Variants in CTNNA2 observed in about 807,000 individuals in gnomAD.
The protein encoded by CTNNA2 is catenin alpha-2.
A neutral mutation model predicts 101.0 loss-of-function variants in CTNNA2; 42 were observed. That is an observed-to-expected ratio of 0.42 (90% CI 0.32 to 0.54). The LOEUF (loss-of-function observed/expected upper bound fraction) is 0.54. Among genes scored for constraint, CTNNA2 ranks in the 20% least tolerant of loss-of-function variants. The pLI is 0.14. For synonymous variants in CTNNA2, 450 were observed against 456.4 expected, an observed-to-expected ratio of 0.99 and a Z score of 0.18; for missense variants, 871 against 1,223.1, an observed-to-expected ratio of 0.71 and a Z score of 4.29.
intron 8 of CTNNA2, among the ~76,000 whole-genome samples, chr2:80,416,892 C>G (rs923674965): frequency 6.6e-6 from 1 of 151,992 alleles, no homozygotes; most frequent in South Asian, 2.1e-4. Flanking sequence ...TTTACATTCT[C>G]TTTCCTTGAG....
chr2:79,635,407 G>A (rs1679960465), intron 1 of CTNNA2, among the ~76,000 whole-genome samples: 3 of 151,944 alleles, frequency 2.0e-5, no homozygotes, highest in Admixed American at 1.3e-4. Flanking sequence ...ACTCCAGCCT[G>A]GGTGGCAGAG....
intron 1 of CTNNA2, among the ~76,000 whole-genome samples, chr2:79,644,107 G>A (rs1303687819): frequency 3.9e-5 from 6 of 151,936 alleles, no homozygotes; most frequent in Non-Finnish European, 5.9e-5. Context: ...GCATAATCTC[G>A]GCTCACTGCA....
intron 7 of CTNNA2, among the ~76,000 whole-genome samples, chr2:80,026,306 G>C (rs986146806): frequency 6.6e-6 from 1 of 152,190 alleles, no homozygotes; most frequent in African/African-American, 2.4e-5. Flanking sequence ...AGTTGCAAGT[G>C]ATTGAAATGA....
In CTNNA2 at chr2:79,436,769, C is replaced by T. The variant is rs185980198; in HGVS notation, c.-135+62756C>T. 3.3e-3 allele frequency among the ~76,000 whole-genome samples: 500 copies of T among 152,076 alleles called. 7 individuals carry two copies. Among genetic ancestry groups the T allele is most frequent in the African/African-American group, 0.011 (468 of 41,522 alleles). On this transcript the variant is annotated intron_variant, in intron 4 of 21. Transcript: ENST00000466387. The stretch of plus-strand genomic sequence containing the variant: ...GCCTCAGCCTCCCGAGTATCTGGGA[C>T]TACAGGCACCCGCCACCAGGCCTGG...
chr2:80,292,597 T>C (rs1675363206), intron 7 of CTNNA2, among the ~76,000 whole-genome samples: 1 of 152,230 alleles, frequency 6.6e-6, no homozygotes, highest in African/African-American at 2.4e-5. Flanking sequence ...AGGTCATGTT[T>C]CATAAATGGA....
chr2:79,726,835 G>C (rs1686875475), intron 2 of CTNNA2, among the ~76,000 whole-genome samples: 1 of 152,184 alleles, frequency 6.6e-6, no homozygotes, highest in South Asian at 2.1e-4. Context: ...ATGATGGTTA[G>C]AACATGAGGA....
intron 7 of CTNNA2, among the ~76,000 whole-genome samples, chr2:80,184,670 A>G (rs966774427): frequency 6.6e-5 from 10 of 152,256 alleles, no homozygotes. Context: ...GGATTGGGGT[A>G]TATCCAGAGT....
intron 2 of CTNNA2, among the ~76,000 whole-genome samples, chr2:79,229,890 C>T (rs189472112): frequency 7.1e-4 from 108 of 152,280 alleles, no homozygotes; most frequent in East Asian, 6.6e-3. Flanking sequence ...AAGAGACTGG[C>T]GGCATTATGC....
chr2:79,712,156 G>T (rs1685780838), intron 2 of CTNNA2, among the ~76,000 whole-genome samples: 1 of 152,148 alleles, frequency 6.6e-6, no homozygotes, highest in Non-Finnish European at 1.5e-5. Context: ...AAGCAATTCT[G>T]TATTAGACAT....
chr2:80,387,240 G>C (rs1287057954), intron 7 of CTNNA2, among the ~76,000 whole-genome samples: 2 of 152,066 alleles, frequency 1.3e-5, no homozygotes, highest in Non-Finnish European at 2.9e-5. Context: ...AGTGAGCCGA[G>C]ATTGTGCCAC....
At position 79,976,795 on chromosome 2, in the gene CTNNA2, C is replaced by T. The variant is rs191976331; in HGVS notation, c.1056+66998C>T. Among the ~76,000 whole-genome samples, 556 of 152,306 alleles carry T rather than the reference C, an allele frequency of 3.7e-3. 4 individuals are homozygous for T. The highest frequency in any genetic ancestry group is 0.011 in the Admixed American group (166 of 15,298). ...GTAGGTGTAGAGTGTTTGGCCAGTT[C>T]CTTCCCCACTTGGGGCACAGCCACG... On this transcript the variant is annotated intron_variant, in intron 7 of 18. Coordinates refer to ENST00000402739, the MANE Select transcript of CTNNA2 (RefSeq NM_001282597.3).
intron 4 of CTNNA2, among the ~76,000 whole-genome samples, chr2:79,455,792 A>G (rs990645732): frequency 6.6e-6 from 1 of 152,200 alleles, no homozygotes; most frequent in Non-Finnish European, 1.5e-5. Context: ...TCACTTAGCC[A>G]TATACAATGT....
chr2:79,865,059 ATTG>A lies in CTNNA2; in HGVS notation c.466-4752_466-4750del, dbSNP rs1047271281. On this transcript the variant is annotated intron_variant, in intron 4 of 18. Coordinates refer to ENST00000402739, the MANE Select transcript of CTNNA2 (RefSeq NM_001282597.3). ...ACTTTGGAAATATATAATAAACTAA[ATTG>A]TTGTGCTTTGTATAACACACTTATA... Among the ~76,000 whole-genome samples the A allele has an allele frequency of 1.1e-4, 17 of 152,320 alleles. 1 individual carries two copies. Among genetic ancestry groups the A allele is most frequent in the Admixed American group, 3.3e-4 (5 of 15,300 alleles).
intron 3 of CTNNA2, among the ~76,000 whole-genome samples, chr2:79,323,290 A>G (rs1676666027): frequency 6.6e-6 from 1 of 152,200 alleles, no homozygotes; most frequent in Non-Finnish European, 1.5e-5. Context: ...AATACTAGCC[A>G]TTAGTTATGC....
rs117280382 is a variant in CTNNA2, at chr2:79,440,661, C to T, written c.-134-64393C>T. 5.8e-4 allele frequency among the ~76,000 whole-genome samples: 88 copies of T among 152,246 alleles called. No individual in the cohort carries two copies. In the East Asian group the frequency reaches 0.017, roughly 29 times the overall value. On this transcript the variant is annotated intron_variant, in intron 4 of 21. Transcript: ENST00000466387. ...GCCCTCACTGTCTGAGAGAGACATG[C>T]ACTTCATTAACCCATCTTGAGTTCT...
chr2:79,789,488 G>A (rs1259082818), intron 3 of CTNNA2, among the ~76,000 whole-genome samples: 7 of 152,090 alleles, frequency 4.6e-5, no homozygotes, highest in Admixed American at 4.6e-4. Context: ...ACTTTGAGCA[G>A]GACAGTGAGC....
intron 1 of CTNNA2, among the ~76,000 whole-genome samples, chr2:79,586,939 G>A (rs567456791): frequency 6.6e-6 from 1 of 152,086 alleles, no homozygotes; most frequent in African/African-American, 2.4e-5. Flanking sequence ...CCATTGCTGA[G>A]TTACTTCACT....
At chr2:79,624,837 A>T (rs931465487) in intron 1 of CTNNA2, among the ~76,000 whole-genome samples, 2 of 152,066 alleles carry the variant, frequency 1.3e-5, no homozygotes, top group Non-Finnish European at 2.9e-5. Flanking sequence ...CTGTGTGGGT[A>T]TGTGTGATGT....
At chr2:79,443,777 C>T (rs1678801298) in intron 4 of CTNNA2, among the ~76,000 whole-genome samples, 3 of 152,186 alleles carry the variant, frequency 2.0e-5, no homozygotes, top group South Asian at 4.1e-4. Flanking sequence ...TAATGACTCC[C>T]ACATCCTGAT....
Sources: allele counts gnomAD v4.1 joint callset (sites outside exome capture counted in the v4.1 genomes callset), GRCh38; gene constraint gnomAD v4.1.1; transcripts MANE v1.5; gene names NCBI Gene and HGNC (gene_info 2026-07-23, HGNC 2026-07-21).